Variants in ATP1A3 observed in about 807,000 individuals in gnomAD.
ATP1A3 encodes the protein sodium/potassium-transporting ATPase subunit alpha-3.
In ATP1A3, 12 loss-of-function variants were observed where a neutral mutation model predicts 108.8. The observed-to-expected ratio is 0.11, with a 90% CI of 0.07 to 0.18. The LOEUF (loss-of-function observed/expected upper bound fraction) is 0.18. Among genes scored for constraint, ATP1A3 ranks in the 10% least tolerant of loss-of-function variants. ATP1A3 has a pLI of 1.00. For missense variants in ATP1A3, 498 were observed against 1,387.7 expected, an observed-to-expected ratio of 0.36 and a Z score of 10.19; for synonymous variants, 539 against 564.5, an observed-to-expected ratio of 0.95 and a Z score of 0.64.
At position 41,985,372 on chromosome 19, in the gene ATP1A3, C is replaced by T. The variant is rs1396898460; in HGVS notation, c.658G>A (p.Asp220Asn). The T allele has an allele frequency of 9.3e-6, 15 of 1,613,956 alleles. No individual in the cohort carries two copies. The highest frequency in any genetic ancestry group is 2.7e-5 in the African/African-American group (2 of 74,924). ...TCCAAGGGGTTGTCGTGAGTGCAGTCGGGAGAGCGAGTCTGGGGCTCGGAT... is the reference window on the plus strand; with the variant it reads ...TCCAAGGGGTTGTCGTGAGTGCAGTTGGGAGAGCGAGTCTGGGGCTCGGAT... ...GESEPQTRSP[D>N]CTHDNPLETR... The change falls in exon 7 of 23, where the codon GAC (aspartate) becomes AAC (asparagine). Residue 220 changes from aspartate to asparagine, a missense_variant. By Grantham distance (23) the Asp-to-Asn change is conservative (BLOSUM62 1). Around this residue, in one of 9 missense-constraint regions of ATP1A3, gnomAD observed 127 missense variants for 464.0 expected, o/e 0.27. Transcript: ENST00000648268. The surrounding 1 kb of genome is among the most constrained non-coding windows in gnomAD (Gnocchi z 8.2).
At position 41,981,204 on chromosome 19, in the gene ATP1A3, G is replaced by C. The variant is rs2075227868; in HGVS notation, c.1437+298C>G. ...CGTACAGATGGGGTTTTGCCATCTTGCCCAGGCTCGTCTCGAACTCCTGGC... is the reference window on the plus strand; with the variant it reads ...CGTACAGATGGGGTTTTGCCATCTTCCCCAGGCTCGTCTCGAACTCCTGGC... On this transcript the variant is annotated intron_variant, in intron 11 of 22. Coordinates refer to ENST00000648268, the MANE Select transcript of ATP1A3 (RefSeq NM_152296.5). This position sits in a 1 kb window ranked among gnomAD's most constrained non-coding sequence, Gnocchi z 5.0. Among the ~76,000 whole-genome samples the C allele has an allele frequency of 6.6e-6, 1 of 151,574 alleles. No individual in the cohort carries two copies. Among genetic ancestry groups the C allele is most frequent in the Admixed American group, 6.6e-5 (1 of 15,192 alleles).
At chr19:41,973,574 T>C (rs1225716892) in intron 16 of ATP1A3, among the ~76,000 whole-genome samples, 1 of 152,178 alleles carries the variant, frequency 6.6e-6, no homozygotes, top group South Asian at 2.1e-4. Context: ...AAGTTAGGTA[T>C]TTCTTCCCTC....
chr19:41,970,870 G>T (rs781938700), intron 16 of ATP1A3, among the ~76,000 whole-genome samples: 1 of 151,730 alleles, frequency 6.6e-6, no homozygotes, highest in Non-Finnish European at 1.5e-5. Context: ...CTGACCTCGT[G>T]ATCTGCCCTC....
intron 8 of ATP1A3, among the ~76,000 whole-genome samples, 172 bp from the exon 9 acceptor site, chr19:41,982,278 G>C (rs1324412747): frequency 2.6e-5 from 4 of 152,148 alleles, no homozygotes; most frequent in African/African-American, 9.7e-5. Flanking sequence ...AATAGAAACA[G>C]GGCAGAGACA....
intron 14 of ATP1A3, 23 bp from the exon 15 acceptor site, chr19:41,976,589 T>A (rs1555861390): frequency 2.5e-6 from 4 of 1,613,268 alleles, no homozygotes; most frequent in Non-Finnish European, 2.5e-6. Context: ...GAGAGAGCGA[T>A]GGCTGAGGTC....
In ATP1A3 at chr19:41,975,753, G is replaced by A. The variant is rs141362710; in HGVS notation, c.2139C>T (p.Pro713=). ...AVTGDGVNDS[P]ALKKADIGVA... ...CCCCAATGTCGGCCTTCTTCAGAGC[G>A]GGGGAGTCGTTCACACCATCCCCGG... Residue 713 remains proline, a synonymous_variant, in exon 16 of 23, where the codon CCC becomes CCT. Transcript: ENST00000648268. 1.5e-5 allele frequency: 24 copies of A among 1,613,918 alleles called. No homozygotes were observed. Among genetic ancestry groups the A allele is most frequent in the South Asian group, 9.9e-5 (9 of 91,092 alleles).
chr19:41,994,053 A>C lies in ATP1A3; in HGVS notation c.6+18T>G. The C allele has an allele frequency of 6.2e-7, 1 of 1,609,440 alleles. No individual in the cohort carries two copies. Among genetic ancestry groups the C allele is most frequent in the Non-Finnish European group, 8.5e-7 (1 of 1,178,178 alleles). On this transcript the variant is annotated intron_variant, in intron 1 of 22. Coordinates refer to ENST00000648268, the MANE Select transcript of ATP1A3 (RefSeq NM_152296.5). ...ACAATGTCACACGGAAGCGGCGCCC[A>C]GCCGGCTCAGCACCTACCCCCATCT...
At position 41,970,269 on chromosome 19, in the gene ATP1A3, C is replaced by T. The variant is rs782378337; in HGVS notation, c.2458G>A (p.Asp820Asn). 23 of 1,614,088 alleles carry T rather than the reference C, an allele frequency of 1.4e-5. No individual in the cohort carries two copies. The highest frequency in any genetic ancestry group is 4.2e-6 in the Non-Finnish European group (5 of 1,180,054). ...TTCCTGGGCTGTCTCTTCATGATGT[C>T]GCTTTCGGCAGCCTCGTACGCCAGT... ...ISLAYEAAES[D>N]IMKRQPRNPR... Residue 820 changes from aspartate to asparagine, a missense_variant, in exon 18 of 23, where the codon GAC becomes AAC. This residue lies in a region of ATP1A3 where 121 missense variants were observed against 425.1 expected (regional missense o/e 0.28). Transcript: ENST00000648268.
intron 4 of ATP1A3, 98 bp from the exon 5 acceptor site, chr19:41,986,327 G>A (rs1372869952): frequency 1.7e-6 from 2 of 1,184,384 alleles, no homozygotes; most frequent in Non-Finnish European, 2.5e-6. Flanking sequence ...TTGTGTCAGT[G>A]GGGGTCTGTA....
chr19:41,989,608 C>T (rs574536664), intron 1 of ATP1A3, among the ~76,000 whole-genome samples: 12 of 152,298 alleles, frequency 7.9e-5, no homozygotes, highest in Admixed American at 6.5e-4. Flanking sequence ...CGTGAGCCAC[C>T]GTGCCCGGCC....
Position 41,985,550 on chromosome 19 carries a change from G to C in ATP1A3, c.607-127C>G. On this transcript the variant is annotated intron_variant, in intron 6 of 22. Coordinates refer to ENST00000648268, the MANE Select transcript of ATP1A3 (RefSeq NM_152296.5). This position sits in a 1 kb window ranked among gnomAD's most constrained non-coding sequence, Gnocchi z 8.2. ...CAGCTAGAAGCCTGGGTGCCCAGTG[G>C]GTGAGTGGTGTGTGGGAGGCCAGAG... 1 of 997,046 alleles carries C rather than the reference G, an allele frequency of 1.0e-6. No individual in the cohort carries two copies. Among genetic ancestry groups the C allele is most frequent in the Non-Finnish European group, 1.6e-6 (1 of 640,812 alleles). 61.8% of individuals were successfully genotyped at this position (997,046 alleles called of 1,614,324 possible). A position where few individuals can be genotyped will look rare whatever the true frequency, so the allele number is the denominator to read the frequency against.
Position 41,981,764 on chromosome 19 carries a change from G to A in ATP1A3, c.1260C>T (p.Arg420=), listed in dbSNP as rs113909283. The A allele has an allele frequency of 1.8e-4, 298 of 1,614,206 alleles. 2 individuals carry two copies. In the African/African-American group the frequency reaches 3.1e-3, roughly 17 times the overall value. The change falls in exon 10 of 23, where the codon CGC becomes CGT. Residue 420 remains arginine, a synonymous_variant. Transcript: ENST00000648268. The surrounding 1 kb of genome is among the most constrained non-coding windows in gnomAD (Gnocchi z 5.0). The part of the protein sequence containing the change: ...ALSHIAGLCN[R]AVFKGGQDNI... Reference sequence around the variant, plus strand: ...TGTCCTGACCACCCTTGAAGACAGCGCGATTGCAGAGCCCAGCGATGTGAG... The same window carrying A: ...TGTCCTGACCACCCTTGAAGACAGCACGATTGCAGAGCCCAGCGATGTGAG...
intron 16 of ATP1A3, among the ~76,000 whole-genome samples, chr19:41,974,569 T>G (rs2075146361): frequency 1.3e-5 from 2 of 152,202 alleles, no homozygotes; most frequent in Admixed American, 1.3e-4. Context: ...GCTTTGCCGT[T>G]TGAATTCTCT....
In ATP1A3 at chr19:41,969,525, A is replaced by G; in HGVS notation, c.2598T>C (p.Asn866=). ...FFSYFVILAE[N]GFLPGNLVGI... is the part of the protein sequence containing the mutation. ...CCACCAGGTTGCCGGGCAAGAAGCC[A>G]TTTTCTGCCAGGATCACAAAGTAAG... is the stretch of plus-strand genomic sequence containing the variant. The change falls in exon 19 of 23, where the codon AAT becomes AAC. Residue 866 remains asparagine, a synonymous_variant. Transcript: ENST00000648268. The G allele has an allele frequency of 1.2e-6, 2 of 1,614,008 alleles. No individual in the cohort carries two copies. Among genetic ancestry groups the G allele is most frequent in the South Asian group, 1.1e-5 (1 of 91,074 alleles).
In ATP1A3 at chr19:41,984,980, C is replaced by T. The variant is rs782493774; in HGVS notation, c.931G>A (p.Val311Ile). 1 of 1,614,106 alleles carries T rather than the reference C, an allele frequency of 6.2e-7. No individual in the cohort carries two copies. The highest frequency in any genetic ancestry group is 8.5e-7 in the Non-Finnish European group (1 of 1,179,994). Residue 311 changes from valine (V) to isoleucine (I), a missense_variant, in exon 8 of 23, where the codon GTC becomes ATC. This residue lies in a region of ATP1A3 where 127 missense variants were observed against 464.0 expected (regional missense o/e 0.27). Coordinates refer to ENST00000648268, the MANE Select transcript of ATP1A3 (RefSeq NM_152296.5). ...ACGATGATGCCGATGAGGAAGATGACAGCCTCAAGCCAGGTGTATCCGAGA... is the reference window on the plus strand; with the variant it reads ...ACGATGATGCCGATGAGGAAGATGATAGCCTCAAGCCAGGTGTATCCGAGA... ...LILGYTWLEA[V>I]IFLIGIIVAN... is the part of the protein sequence containing the mutation.
At chr19:41,976,839 C>G (rs1469062455) in intron 14 of ATP1A3, among the ~76,000 whole-genome samples, 2 of 152,016 alleles carry the variant, frequency 1.3e-5, no homozygotes, top group African/African-American at 4.8e-5. Flanking sequence ...GAGTCTCGCT[C>G]TGTCACCCAA....
intron 16 of ATP1A3, among the ~76,000 whole-genome samples, chr19:41,972,360 T>C (rs1275802071): frequency 6.6e-6 from 1 of 152,008 alleles, no homozygotes; most frequent in Non-Finnish European, 1.5e-5. Context: ...AGGTCGAGGT[T>C]GCAGTGACTG....
Position 41,966,852 on chromosome 19 carries a change from C to G in ATP1A3, c.*85G>C, listed in dbSNP as rs782668761. On this transcript the variant is annotated 3_prime_UTR_variant, in exon 23 of 23. Transcript: ENST00000648268. ...CCACAGGAAGAGAGGGCTCCTCCCC[C>G]CAGAATACAAAATTGGGGGGACTGA... 7 of 1,548,582 alleles carry G rather than the reference C, an allele frequency of 4.5e-6. No individual in the cohort carries two copies. In the Admixed American group the frequency reaches 5.9e-5, roughly 13 times the overall value.
Position 41,981,537 on chromosome 19 carries a change from C to A in ATP1A3, c.1402G>T (p.Ala468Ser), listed in dbSNP as rs2075231562. Residue 468 changes from alanine (A) to serine (S), a missense_variant, in exon 11 of 23, where the codon GCT becomes TCT. By Grantham distance (99) the Ala-to-Ser change is moderately conservative (BLOSUM62 1). Transcript: ENST00000648268. This position sits in a 1 kb window ranked among gnomAD's most constrained non-coding sequence, Gnocchi z 5.0. ...TTGGTGGAATTGAAGGGAATCTCAGCCACTTTCTTGTTGCGTTCACGCATC... is the reference window on the plus strand; with the variant it reads ...TTGGTGGAATTGAAGGGAATCTCAGACACTTTCTTGTTGCGTTCACGCATC... ...KLMRERNKKV[A>S]EIPFNSTNKY... 6.2e-7 allele frequency: 1 copy of A among 1,614,224 alleles called. No homozygotes were observed. The highest frequency in any genetic ancestry group is 8.5e-7 in the Non-Finnish European group (1 of 1,180,050).
Sources: gnomAD v4.1 joint callset for allele counts (sites outside exome capture counted in the v4.1 genomes callset) on GRCh38, gnomAD v4.1.1 for gene constraint, gnomAD v4.1.1 regional missense constraint, Gnocchi (gnomAD v3.1) non-coding constraint, MANE v1.5 for transcripts, NCBI Gene and HGNC (gene_info 2026-07-23, HGNC 2026-07-21) for gene names.